Variants in SNX30 observed in about 807,000 individuals in gnomAD.
SNX30 encodes sorting nexin-30.
In SNX30, 24 loss-of-function variants were observed where a neutral mutation model predicts 46.4. The observed-to-expected ratio is 0.52, with a 90% confidence interval of 0.37 to 0.73. SNX30 has a LOEUF of 0.73. Ranked by LOEUF, SNX30 falls within the 30% of genes least tolerant of loss-of-function variation. The pLI is 0.00. For missense variants in SNX30, 533 were observed against 555.7 expected, an observed-to-expected ratio of 0.96 and a Z score of 0.41; for synonymous variants, 189 against 211.5, an observed-to-expected ratio of 0.89 and a Z score of 0.92.
intron 1 of SNX30, among the ~76,000 whole-genome samples, chr9:112,782,042 A>G (rs1839854493): frequency 6.6e-6 from 1 of 152,118 alleles, no homozygotes; most frequent in African/African-American, 2.4e-5. Context: ...TTAAAATTTC[A>G]GTCTTTGTTA....
At chr9:112,826,614 G>A (rs1166838871) in intron 3 of SNX30, among the ~76,000 whole-genome samples, 1 of 152,126 alleles carries the variant, frequency 6.6e-6, no homozygotes, top group South Asian at 2.1e-4. Flanking sequence ...TAGGGGAGGA[G>A]GGGTTGTTTT....
chr9:112,862,082 G>A (rs1841247832), intron 7 of SNX30, among the ~76,000 whole-genome samples: 1 of 152,216 alleles, frequency 6.6e-6, no homozygotes, highest in Admixed American at 6.5e-5. Flanking sequence ...AAACTGAGAA[G>A]CCAAATATTT....
At chr9:112,752,419 C>T (rs1237190951) in intron 1 of SNX30, among the ~76,000 whole-genome samples, 1 of 152,084 alleles carries the variant, frequency 6.6e-6, no homozygotes, top group East Asian at 1.9e-4. Flanking sequence ...AGTTTGAGAC[C>T]AGCCTGGGCA....
intron 6 of SNX30, among the ~76,000 whole-genome samples, chr9:112,843,727 G>GCCTTAGCC (rs1367650699): frequency 1.4e-5 from 2 of 145,242 alleles, no homozygotes; most frequent in East Asian, 4.2e-4. Context: ...CGATTCTCCT[G>GCCTTAGCC]CCTTAGCCTC....
intron 1 of SNX30, among the ~76,000 whole-genome samples, chr9:112,768,606 A>ATTTT (rs10684532): frequency 1.7e-5 from 2 of 118,178 alleles, no homozygotes; most frequent in East Asian, 2.3e-4. Context: ...AGGGAGCAGT[A>ATTTT]TTTTTTTTTT....
At chr9:112,787,598 T>A (rs919196364) in intron 1 of SNX30, among the ~76,000 whole-genome samples, 1 of 151,972 alleles carries the variant, frequency 6.6e-6, no homozygotes, top group African/African-American at 2.4e-5. Context: ...TCCCTAGGTA[T>A]TTTTGAGGCT....
chr9:112,840,359 A>G (rs926499746), intron 6 of SNX30, among the ~76,000 whole-genome samples: 1 of 152,222 alleles, frequency 6.6e-6, no homozygotes, highest in Non-Finnish European at 1.5e-5. Flanking sequence ...ACTTTTATTA[A>G]AAAAAATTGG....
intron 2 of SNX30, among the ~76,000 whole-genome samples, chr9:112,813,627 C>T (rs906436108): frequency 6.6e-6 from 1 of 152,058 alleles, no homozygotes; most frequent in Admixed American, 6.5e-5. Flanking sequence ...GTATGCACCA[C>T]CATGCCTGGC....
At chr9:112,785,848 T>G (rs1222180085) in intron 1 of SNX30, among the ~76,000 whole-genome samples, 6 of 152,276 alleles carry the variant, frequency 3.9e-5, no homozygotes, top group South Asian at 2.1e-4. Context: ...AAATTTTGTC[T>G]AACAACACTA....
At chr9:112,836,552 G>A in intron 5 of SNX30, 143 bp downstream of exon 5, 2 of 870,994 alleles carry the variant, frequency 2.3e-6, no homozygotes, top group Non-Finnish European at 3.4e-6. Context: ...AATACAAGGA[G>A]GGGAGGAGTT....
chr9:112,831,245 C>T (rs1840655424), intron 4 of SNX30, among the ~76,000 whole-genome samples: 1 of 151,718 alleles, frequency 6.6e-6, no homozygotes. Flanking sequence ...TTTTGGGTGC[C>T]TGTGTCCATT....
chr9:112,836,462 T>C, intron 5 of SNX30, 53 bp downstream of exon 5: 1 of 1,541,596 alleles, frequency 6.5e-7, no homozygotes, highest in Non-Finnish European at 8.9e-7. Flanking sequence ...TTGGCAGAAA[T>C]GCCATTCATG....
chr9:112,792,277 T>G lies in SNX30; in HGVS notation c.157-12499T>G, dbSNP rs137984584. ...TTCTCTCTATTTAATTTCACCTTGATCACATAATTTTTCCTAGAAAGCCAG... is the reference window on the plus strand; with the variant it reads ...TTCTCTCTATTTAATTTCACCTTGAGCACATAATTTTTCCTAGAAAGCCAG... On this transcript the variant is annotated intron_variant, in intron 1 of 8. Coordinates refer to ENST00000374232, the MANE Select transcript of SNX30 (RefSeq NM_001012994.2). 8.3e-3 allele frequency among the ~76,000 whole-genome samples: 1,260 copies of G among 152,314 alleles called. 10 individuals carry two copies. Among genetic ancestry groups the G allele is most frequent in the Non-Finnish European group, 0.011 (738 of 68,022 alleles).
intron 6 of SNX30, among the ~76,000 whole-genome samples, chr9:112,840,674 C>T (rs909254111): frequency 2.6e-5 from 4 of 152,124 alleles, no homozygotes; most frequent in African/African-American, 7.2e-5. Context: ...TTAGTAGAGA[C>T]GGGGTTTCCC....
chr9:112,847,260 G>T (rs1315147333), intron 6 of SNX30, among the ~76,000 whole-genome samples: 1 of 150,882 alleles, frequency 6.6e-6, no homozygotes, highest in Non-Finnish European at 1.5e-5. Context: ...GCCGTCCCGT[G>T]CGTATCCCAG....
chr9:112,859,913 G>T (rs750461192), intron 7 of SNX30, among the ~76,000 whole-genome samples: 2 of 151,718 alleles, frequency 1.3e-5, no homozygotes, highest in Non-Finnish European at 2.9e-5. Flanking sequence ...ATGATGTTGA[G>T]CATCTTTTCA....
At chr9:112,768,606 A>ATT (rs10684532) in intron 1 of SNX30, among the ~76,000 whole-genome samples, 38,657 of 117,838 alleles carry the variant, frequency 0.33, 6,357 homozygotes, top group South Asian at 0.48. Flanking sequence ...AGGGAGCAGT[A>ATT]TTTTTTTTTT....
intron 1 of SNX30, among the ~76,000 whole-genome samples, chr9:112,790,874 G>A (rs1307481566): frequency 6.6e-6 from 1 of 152,190 alleles, no homozygotes; most frequent in Non-Finnish European, 1.5e-5. Context: ...ATGAACTCAT[G>A]TGGCAGATCA....
chr9:112,863,821 C>G (rs1432135390), intron 7 of SNX30, among the ~76,000 whole-genome samples: 1 of 152,220 alleles, frequency 6.6e-6, no homozygotes, highest in Non-Finnish European at 1.5e-5. Flanking sequence ...CTGGGAGAAC[C>G]TACCTCTTCT....
Sources: gnomAD v4.1 joint callset for allele counts (sites outside exome capture counted in the v4.1 genomes callset) on GRCh38, gnomAD v4.1.1 for gene constraint, MANE v1.5 for transcripts, NCBI Gene and HGNC (gene_info 2026-07-23, HGNC 2026-07-21) for gene names.